ASH1L: variants seen among roughly 807,000 people sequenced by gnomAD.
ASH1L encodes ASH1 like histone lysine methyltransferase.
Under a neutral mutation model 269.0 loss-of-function variants are expected in ASH1L, and 23 were observed. That is an observed-to-expected ratio of 0.09 (90% CI 0.06 to 0.12). The LOEUF (loss-of-function observed/expected upper bound fraction) is 0.12, where lower values mean the gene tolerates loss of function less well. ASH1L is among the 10% of genes least tolerant of loss of function. The pLI is 1.00. For synonymous variants in ASH1L, 1,187 were observed against 1,253.5 expected, an observed-to-expected ratio of 0.95 and a Z score of 1.12; for missense variants, 2,912 against 3,567.8, an observed-to-expected ratio of 0.82 and a Z score of 4.68.
intron 5 of ASH1L, chr1:155,419,289 C>T (rs1336203826): frequency 6.7e-6 from 1 of 149,888 alleles, no homozygotes; most frequent in Non-Finnish European, 1.5e-5. Flanking sequence ...ACAGTGCAAA[C>T]CAGAAGACAA....
At chr1:155,409,627 TTTTA>T (rs1225019012) in intron 6 of ASH1L, among the ~76,000 whole-genome samples, 1 of 152,066 alleles carries the variant, frequency 6.6e-6, no homozygotes. Context: ...TTTTATTAAG[TTTTA>T]TTTATTTTTA....
In ASH1L at chr1:155,511,423, T is replaced by G. The variant is rs1668154633; in HGVS notation, c.420+9677A>C. 1.3e-5 allele frequency among the ~76,000 whole-genome samples: 2 copies of G among 152,234 alleles called. 1 individual carries two copies. The highest frequency in any genetic ancestry group is 4.1e-4 in the South Asian group (2 of 4,834). On this transcript the variant is annotated intron_variant, in intron 2 of 27. Coordinates refer to ENST00000392403, the MANE Select transcript of ASH1L (RefSeq NM_018489.3). ...AGGTTTTATTCCCTCTCTGGAGACT[T>G]TCCAAACTTCAATCCACTGTCAATT...
At chr1:155,510,191 G>A (rs1053531798) in intron 2 of ASH1L, among the ~76,000 whole-genome samples, 1 of 151,708 alleles carries the variant, frequency 6.6e-6, no homozygotes. Flanking sequence ...TGAGGCGGAC[G>A]GATCACAAGG....
At position 155,459,799 on chromosome 1, in the gene ASH1L, G is replaced by A. The variant is rs1664149885; in HGVS notation, c.5084C>T (p.Thr1695Ile). 6.2e-7 allele frequency: 1 copy of A among 1,610,586 alleles called. No homozygotes were observed. Among genetic ancestry groups the A allele is most frequent in the South Asian group, 1.1e-5 (1 of 90,792 alleles). Residue 1695 changes from threonine (T) to isoleucine (I), a missense_variant and splice_region_variant, in exon 4 of 28, where the codon ACA becomes ATA. Physicochemically the swap from Thr to Ile is moderately conservative, Grantham distance 89 (BLOSUM62 -1). This residue lies in a region of ASH1L where 789 missense variants were observed against 897.6 expected (regional missense o/e 0.88). Coordinates refer to ENST00000392403, the MANE Select transcript of ASH1L (RefSeq NM_018489.3). ...CTGGTAAAACAAATAGCACTAGCCT[G>A]TTGAAGAAGTACTCTCAGATGAAGA... ...KRSSSESTSSTVNGVPSRSPR... is the reference protein window; with the variant it reads ...KRSSSESTSSIVNGVPSRSPR...
chr1:155,427,327 G>A (rs1274553252), intron 5 of ASH1L, among the ~76,000 whole-genome samples: 1 of 149,872 alleles, frequency 6.7e-6, no homozygotes, highest in African/African-American at 2.5e-5. Context: ...TTTTTTTTGA[G>A]ATGGAGTCCC....
At chr1:155,546,867 G>A (rs906727555) in intron 1 of ASH1L, among the ~76,000 whole-genome samples, 10 of 150,966 alleles carry the variant, frequency 6.6e-5, no homozygotes, top group African/African-American at 2.4e-4. Flanking sequence ...AATCCAAAGT[G>A]CCAGTGAACC....
intron 7 of ASH1L, among the ~76,000 whole-genome samples, chr1:155,383,001 G>GC (rs1157090206): frequency 1.3e-5 from 2 of 152,176 alleles, no homozygotes; most frequent in African/African-American, 4.8e-5. Context: ...GGGATTACAG[G>GC]CGTAAGCCGC....
chr1:155,339,076 T>G (rs1308321944), intron 26 of ASH1L, among the ~76,000 whole-genome samples: 1 of 152,244 alleles, frequency 6.6e-6, no homozygotes, highest in East Asian at 1.9e-4. Flanking sequence ...GAAACTTTTC[T>G]GAGTCTGGAG....
At chr1:155,477,750 T>A in intron 3 of ASH1L, 136 bp downstream of exon 3, 1 of 801,470 alleles carries the variant, frequency 1.2e-6, no homozygotes, top group Non-Finnish European at 1.8e-6. Context: ...GGAAAAGGAA[T>A]ACTGAGATTT....
intron 5 of ASH1L, chr1:155,434,173 T>C: frequency 1.9e-6 from 3 of 1,594,360 alleles, no homozygotes; most frequent in Non-Finnish European, 2.6e-6. Flanking sequence ...CTCACTTCAC[T>C]GCACTGTACT....
intron 2 of ASH1L, among the ~76,000 whole-genome samples, chr1:155,502,243 T>C (rs1008903570): frequency 1.3e-5 from 2 of 151,750 alleles, no homozygotes; most frequent in Non-Finnish European, 2.9e-5. Context: ...GCTAATTTTT[T>C]GTATTTTTAG....
chr1:155,521,659 C>T (rs1668895164), intron 1 of ASH1L, 41 bp from the exon 2 acceptor site: 1 of 745,516 alleles, frequency 1.3e-6, no homozygotes, highest in Non-Finnish European at 2.1e-6. Context: ...AGAAAAGAGG[C>T]AACTACTGAT....
intron 3 of ASH1L, among the ~76,000 whole-genome samples, chr1:155,472,633 G>A (rs1468281402): frequency 6.6e-6 from 1 of 152,136 alleles, no homozygotes; most frequent in Non-Finnish European, 1.5e-5. Context: ...AGAAAACAGT[G>A]AGGACTGTGG....
chr1:155,473,496 T>C (rs1406833234), intron 3 of ASH1L, among the ~76,000 whole-genome samples: 7 of 150,282 alleles, frequency 4.7e-5, no homozygotes, highest in African/African-American at 1.7e-4. Context: ...ATTTCTATTT[T>C]TTTTTTTTTT....
intron 2 of ASH1L, 43 bp from the exon 3 acceptor site, chr1:155,482,492 T>C (rs1666026578): frequency 6.4e-7 from 1 of 1,551,094 alleles, no homozygotes; most frequent in African/African-American, 1.4e-5. Context: ...GAGTAAACCT[T>C]ACACCACTTT....
chr1:155,522,667 T>C (rs1668968236), intron 1 of ASH1L, among the ~76,000 whole-genome samples: 1 of 151,664 alleles, frequency 6.6e-6, no homozygotes, highest in Non-Finnish European at 1.5e-5. Flanking sequence ...TACCATATAA[T>C]CATTAGGGAG....
intron 2 of ASH1L, among the ~76,000 whole-genome samples, chr1:155,495,827 G>C (rs940554715): frequency 2.6e-5 from 4 of 152,010 alleles, no homozygotes; most frequent in Non-Finnish European, 5.9e-5. Context: ...GCAAAACTGT[G>C]TTTCTACTAA....
chr1:155,339,463 A>T, intron 25 of ASH1L, 95 bp from the exon 26 acceptor site: 1 of 1,053,782 alleles, frequency 9.5e-7, no homozygotes, highest in Non-Finnish European at 1.4e-6. Context: ...ACAGTAGGGC[A>T]GTAGACAAGT....
intron 1 of ASH1L, among the ~76,000 whole-genome samples, chr1:155,522,198 A>G (rs1668935825): frequency 6.6e-6 from 1 of 152,222 alleles, no homozygotes; most frequent in South Asian, 2.1e-4. Context: ...AGAGATTATC[A>G]GGCTTTTTGA....
Sources: gnomAD v4.1 joint callset for allele counts (sites outside exome capture counted in the v4.1 genomes callset) on GRCh38, gnomAD v4.1.1 for gene constraint, gnomAD v4.1.1 regional missense constraint, MANE v1.5 for transcripts, NCBI Gene and HGNC (gene_info 2026-07-23, HGNC 2026-07-21) for gene names.